The following ADAMTSL4 variants were observed in gnomAD, a reference collection of about 807,000 sequenced individuals.
ADAMTSL4 encodes ADAMTS like 4.
Under a neutral mutation model 122.8 loss-of-function variants are expected in ADAMTSL4, and 97 were observed. The observed-to-expected ratio is 0.79, with a 90% confidence interval of 0.67 to 0.93. ADAMTSL4 has a LOEUF of 0.93. Ranked by LOEUF, ADAMTSL4 falls within the 40% of genes least tolerant of loss-of-function variation. ADAMTSL4 has a pLI of 0.00. For missense variants in ADAMTSL4, 1,408 were observed against 1,453.5 expected (o/e 0.97, Z 0.51); for synonymous variants, 592 against 568.0 (o/e 1.04, Z -0.60).
At position 150,560,530 on chromosome 1, in the gene ADAMTSL4, G is replaced by C; in HGVS notation, c.*334G>C. 2.6e-6 allele frequency: 1 copy of C among 384,778 alleles called. No individual in the cohort carries two copies. Among genetic ancestry groups the C allele is most frequent in the Non-Finnish European group, 4.9e-6 (1 of 204,684 alleles). The allele number at this position is 384,778 out of a possible 1,614,324, so 23.8% of individuals were successfully genotyped here. On this transcript the variant is annotated 3_prime_UTR_variant, in exon 19 of 19. Coordinates refer to ENST00000271643, the MANE Select transcript of ADAMTSL4 (RefSeq NM_019032.6). ...CCTTGAGACTTTCCTAGGTGGAAAG[G>C]AAAGCAAGTCTGCAGTTCCTTGCTA...
chr1:150,557,379 C>A, intron 12 of ADAMTSL4, 44 bp downstream of exon 12: 1 of 1,602,452 alleles, frequency 6.2e-7, no homozygotes, highest in Non-Finnish European at 8.5e-7. Flanking sequence ...TCCAAACCCC[C>A]CAACTGACAC....
rs768250374 is a variant in ADAMTSL4 at position 150,556,824 on chromosome 1, T to C, written c.1749+31T>C. 10 of 1,558,906 alleles carry C rather than the reference T, an allele frequency of 6.4e-6. No homozygotes were observed. The highest frequency in any genetic ancestry group is 2.6e-6 in the Non-Finnish European group (3 of 1,158,438). On this transcript the variant is annotated intron_variant, in intron 10 of 18. Transcript: ENST00000271643. The surrounding 1 kb of genome is among the most constrained non-coding windows in gnomAD (Gnocchi z 4.1). ...CCTGGGGCCAGGGGCAGCTGAATGC[T>C]GGGGAGGGAGGCTGTTCCCTCTGGG...
intron 13 of ADAMTSL4, 113 bp downstream of exon 13, chr1:150,557,736 C>G: frequency 1.4e-6 from 2 of 1,382,196 alleles, no homozygotes; most frequent in Non-Finnish European, 9.8e-7. Flanking sequence ...TGCAGAGAGA[C>G]AACATTAGAT....
Position 150,560,659 on chromosome 1 carries a change from C to CT in ADAMTSL4, c.*464dup, listed in dbSNP as rs899585124. On this transcript the variant is annotated 3_prime_UTR_variant, in exon 19 of 19. Coordinates refer to ENST00000271643, the MANE Select transcript of ADAMTSL4 (RefSeq NM_019032.6). Reference sequence around the variant, plus strand: ...ACATCTTCTAAGCCGCCCTGTGTCTCTGACCCCTTCTCATTTGCCTAGTAT... The same window carrying CT: ...ACATCTTCTAAGCCGCCCTGTGTCTCTTGACCCCTTCTCATTTGCCTAGTAT... 5 of 195,506 alleles carry CT rather than the reference C, an allele frequency of 2.6e-5. No homozygotes were observed. The highest frequency in any genetic ancestry group is 5.4e-5 in the Non-Finnish European group (5 of 92,444). 12.1% of individuals were successfully genotyped at this position (195,506 alleles called of 1,614,324 possible).
At position 150,554,369 on chromosome 1, in the gene ADAMTSL4, G is replaced by GC. The variant is rs749402444; in HGVS notation, c.1142dup (p.Glu382Ter). ...CCTTTGTACCCCTCACCGCAGCCCT[G>GC]CCCCCCTGAGCAGCCAGACCCCCGG... is the stretch of plus-strand genomic sequence containing the variant. On this transcript the variant is annotated frameshift_variant, in exon 7 of 19. Transcript: ENST00000271643. LOFTEE classifies it high-confidence loss of function. The surrounding 1 kb of genome is among the most constrained non-coding windows in gnomAD (Gnocchi z 4.0). 3 of 1,612,834 alleles carry GC rather than the reference G, an allele frequency of 1.9e-6. No homozygotes were observed. Among genetic ancestry groups the GC allele is most frequent in the Non-Finnish European group, 2.5e-6 (3 of 1,179,892 alleles).
At position 150,556,053 on chromosome 1, in the gene ADAMTSL4, C is replaced by G. The variant is rs587602148; in HGVS notation, c.1372-109C>G. Reference sequence around the variant, plus strand: ...TGGTGGGGCTGTTTTTGTGCTCTCACTTGTGGCACAAAAAGCAGGGTAGTG... The same window carrying G: ...TGGTGGGGCTGTTTTTGTGCTCTCAGTTGTGGCACAAAAAGCAGGGTAGTG... On this transcript the variant is annotated intron_variant, in intron 8 of 18. Coordinates refer to ENST00000271643, the MANE Select transcript of ADAMTSL4 (RefSeq NM_019032.6). The surrounding 1 kb of genome is among the most constrained non-coding windows in gnomAD (Gnocchi z 4.1). 8.2e-7 allele frequency: 1 copy of G among 1,217,014 alleles called. No individual in the cohort carries two copies. The highest frequency in any genetic ancestry group is 1.2e-5 in the South Asian group (1 of 80,674). The allele number at this position is 1,217,014 out of a possible 1,614,324, so 75.4% of individuals were successfully genotyped here.
Position 150,559,702 on chromosome 1 carries a change from G to C in ADAMTSL4, c.2944-59G>C. 6.2e-7 allele frequency: 1 copy of C among 1,611,956 alleles called. No individual in the cohort carries two copies. The highest frequency in any genetic ancestry group is 8.5e-7 in the Non-Finnish European group (1 of 1,179,262). On this transcript the variant is annotated intron_variant, in intron 17 of 18. Coordinates refer to ENST00000271643, the MANE Select transcript of ADAMTSL4 (RefSeq NM_019032.6). The surrounding 1 kb of genome is among the most constrained non-coding windows in gnomAD (Gnocchi z 4.1). Reference sequence around the variant, plus strand: ...TTTTGGGGAGAGAGGTGGCAGCCAGGGGTTAAGGAGAATCCCGGGCCTGGC... The same window carrying C: ...TTTTGGGGAGAGAGGTGGCAGCCAGCGGTTAAGGAGAATCCCGGGCCTGGC...
Position 150,557,006 on chromosome 1 carries a change from T to A in ADAMTSL4, c.1817T>A (p.Leu606His), listed in dbSNP as rs773088407. Residue 606 changes from leucine to histidine, a missense_variant, in exon 11 of 19, where the codon CTT becomes CAT. Physicochemically the swap from Leu to His is moderately conservative, Grantham distance 99. Transcript: ENST00000271643. ...QYVISSPPPI[L>H]ENPTPEPPVP... ...GTCATCTCTTCACCTCCTCCAATCC[T>A]TGAGAACCCCACCCCAGAGCCCCCT... The A allele has an allele frequency of 9.9e-6, 16 of 1,613,916 alleles. No homozygotes were observed. Among genetic ancestry groups the A allele is most frequent in the Non-Finnish European group, 1.3e-5 (15 of 1,179,948 alleles).
intron 13 of ADAMTSL4, 115 bp from the exon 14 acceptor site, chr1:150,557,830 G>A (rs1672346995): frequency 2.1e-6 from 3 of 1,419,456 alleles, no homozygotes; most frequent in Non-Finnish European, 1.9e-6. Context: ...CGCCAAACGT[G>A]CCCACTCTCC....
Position 150,557,576 on chromosome 1 carries a change from GC to G in ADAMTSL4, c.2135del (p.Pro712GlnfsTer107). The G allele has an allele frequency of 6.2e-7, 1 of 1,604,430 alleles. No homozygotes were observed. The highest frequency in any genetic ancestry group is 8.5e-7 in the Non-Finnish European group (1 of 1,176,170). On this transcript the variant is annotated frameshift_variant, in exon 13 of 19. Transcript: ENST00000271643. LOFTEE classifies it high-confidence loss of function. ...AACGCAGCTGTGCCGCGGGTGCCAG[GC>G]CCCCAGCCTCCCCTGAACCCTGCCA... ...DERSCAAGAR[P>X]PASPEPCHGT...
intron 8 of ADAMTSL4, 109 bp downstream of exon 8, chr1:150,555,674 C>CA (rs1671975009): frequency 6.7e-7 from 1 of 1,483,108 alleles, no homozygotes; most frequent in Admixed American, 1.9e-5. Context: ...TGCACACATG[C>CA]AAGCACATAC....
In ADAMTSL4 at chr1:150,554,281, C is replaced by T; in HGVS notation, c.1132-84C>T. 6.8e-7 allele frequency: 1 copy of T among 1,479,170 alleles called. No homozygotes were observed. Among genetic ancestry groups the T allele is most frequent in the Non-Finnish European group, 9.4e-7 (1 of 1,062,244 alleles). The allele number at this position is 1,479,170 out of a possible 1,614,324, so 91.6% of individuals were successfully genotyped here. On this transcript the variant is annotated intron_variant, in intron 6 of 18. Coordinates refer to ENST00000271643, the MANE Select transcript of ADAMTSL4 (RefSeq NM_019032.6). The surrounding 1 kb of genome is among the most constrained non-coding windows in gnomAD (Gnocchi z 4.0). The stretch of plus-strand genomic sequence containing the variant: ...CTTGGAGCTCTTCCGCTGACCTGAG[C>T]CTCCCACCTGCTCCCCAGGTTCAGC...
chr1:150,553,921 C>T lies in ADAMTSL4; in HGVS notation c.930C>T (p.Gly310=). Reference sequence around the variant, plus strand: ...TTCCTTCGGTCCCTCGGGGCCGAGGCCAGCAGGGCCAAGGGCCTTGGGGAA... The same window carrying T: ...TTCCTTCGGTCCCTCGGGGCCGAGGTCAGCAGGGCCAAGGGCCTTGGGGAA... ...DPFPSVPRGR[G]QQGQGPWGTG... Residue 310 remains glycine, a synonymous_variant, in exon 6 of 19, where the codon GGC becomes GGT. Coordinates refer to ENST00000271643, the MANE Select transcript of ADAMTSL4 (RefSeq NM_019032.6). The T allele has an allele frequency of 1.2e-6, 2 of 1,611,544 alleles. No homozygotes were observed. The highest frequency in any genetic ancestry group is 1.7e-6 in the Non-Finnish European group (2 of 1,179,166).
chr1:150,556,913 T>TA lies in ADAMTSL4; in HGVS notation c.1750-25dup. On this transcript the variant is annotated intron_variant, in intron 10 of 18. Transcript: ENST00000271643. This position sits in a 1 kb window ranked among gnomAD's most constrained non-coding sequence, Gnocchi z 4.1. ...GCATCCTCTTCTGGCCACCCCCACA[T>TA]ATTCATTATCTTCTCTTCTCCCCAG... The TA allele has an allele frequency of 6.2e-7, 1 of 1,610,980 alleles. No individual in the cohort carries two copies. The highest frequency in any genetic ancestry group is 8.5e-7 in the Non-Finnish European group (1 of 1,177,224).
At chr1:150,555,716 C>A in intron 8 of ADAMTSL4, 151 bp downstream of exon 8, 2 of 1,115,774 alleles carry the variant, frequency 1.8e-6, no homozygotes, top group African/African-American at 1.6e-5. Flanking sequence ...CACATGCACA[C>A]ACGCACACAC....
At position 150,553,009 on chromosome 1, in the gene ADAMTSL4, G is replaced by T; in HGVS notation, c.190G>T (p.Val64Leu). 6.2e-7 allele frequency: 1 copy of T among 1,613,248 alleles called. No individual in the cohort carries two copies. Residue 64 changes from valine (V) to leucine (L), a missense_variant, in exon 5 of 19, where the codon GTG becomes TTG. Coordinates refer to ENST00000271643, the MANE Select transcript of ADAMTSL4 (RefSeq NM_019032.6). ...TTGCTCCCAGCCCTGCGGGGTGGGG[G>T]TGCAGCGCAGGAGCCGGACATGTCA... Reference protein sequence around the residue: ...ASCSQPCGVGVQRRSRTCQLP... With the variant: ...ASCSQPCGVGLQRRSRTCQLP...
Position 150,557,837 on chromosome 1 carries a change from C to G in ADAMTSL4, c.2178-108C>G, listed in dbSNP as rs1024279095. 10 of 1,447,828 alleles carry G rather than the reference C, an allele frequency of 6.9e-6. 1 individual carries two copies. In the Admixed American group the frequency reaches 1.4e-4, roughly 20 times the overall value. 89.7% of individuals were successfully genotyped at this position (1,447,828 alleles called of 1,614,324 possible). On this transcript the variant is annotated intron_variant, in intron 13 of 18. Coordinates refer to ENST00000271643, the MANE Select transcript of ADAMTSL4 (RefSeq NM_019032.6). Reference sequence around the variant, plus strand: ...ACTCCAAACGCCAAACGTGCCCACTCTCCTCTGAGGCCCCCACGTCCAGTG... The same window carrying G: ...ACTCCAAACGCCAAACGTGCCCACTGTCCTCTGAGGCCCCCACGTCCAGTG...
In ADAMTSL4 at chr1:150,554,844, C is replaced by A; in HGVS notation, c.1234+377C>A. On this transcript the variant is annotated intron_variant, in intron 7 of 18. Transcript: ENST00000271643. The surrounding 1 kb of genome is among the most constrained non-coding windows in gnomAD (Gnocchi z 4.0). The stretch of plus-strand genomic sequence containing the variant: ...GTATCGGTTGCTCCCAGGTTACCAT[C>A]CGCTTCATTTTAGGCCTGTGTTAAC... 2 of 607,228 alleles carry A rather than the reference C, an allele frequency of 3.3e-6. No individual in the cohort carries two copies. Among genetic ancestry groups the A allele is most frequent in the Non-Finnish European group, 5.8e-6 (2 of 346,062 alleles). The allele number at this position is 607,228 out of a possible 1,614,324, so 37.6% of individuals were successfully genotyped here.
At position 150,552,673 on chromosome 1, in the gene ADAMTSL4, C is replaced by T. The variant is rs1477002852; in HGVS notation, c.78+73C>T. The T allele has an allele frequency of 6.5e-7, 1 of 1,543,074 alleles. No homozygotes were observed. ...ATCTCCCCCTAGGCTCCCACCCCAT[C>T]TCTCCAGGCCACGCCTCCATTCCCC... On this transcript the variant is annotated intron_variant, in intron 4 of 18. Coordinates refer to ENST00000271643, the MANE Select transcript of ADAMTSL4 (RefSeq NM_019032.6). The surrounding 1 kb of genome is among the most constrained non-coding windows in gnomAD (Gnocchi z 4.0).
Sources: gnomAD v4.1 joint callset for allele counts on GRCh38, gnomAD v4.1.1 for gene constraint, Gnocchi (gnomAD v3.1) non-coding constraint, MANE v1.5 for transcripts, NCBI Gene and HGNC (gene_info 2026-07-23, HGNC 2026-07-21) for gene names.